TBC1D22A: variants seen among roughly 807,000 people sequenced by gnomAD.
TBC1D22A encodes putative GTPase activator.
Under a neutral mutation model 60.2 loss-of-function variants are expected in TBC1D22A, and 38 were observed. That is an observed-to-expected ratio of 0.63 (90% CI 0.49 to 0.83). The LOEUF (loss-of-function observed/expected upper bound fraction) is 0.83, where lower values mean the gene tolerates loss of function less well. TBC1D22A is among the 40% of genes least tolerant of loss of function. TBC1D22A has a pLI of 0.00. For missense variants in TBC1D22A, 628 were observed against 701.0 expected (o/e 0.90, Z 1.18); for synonymous variants, 302 against 281.7 (o/e 1.07, Z -0.72).
chr22:46,894,212 C>T (rs4488768), intron 6 of TBC1D22A, among the ~76,000 whole-genome samples: 1 of 152,192 alleles, frequency 6.6e-6, no homozygotes, highest in Non-Finnish European at 1.5e-5. Flanking sequence ...TTGGTTGCTT[C>T]TTGAACCACA....
intron 11 of TBC1D22A, among the ~76,000 whole-genome samples, chr22:47,054,079 A>G (rs2063312295): frequency 6.6e-6 from 1 of 152,206 alleles, no homozygotes; most frequent in Non-Finnish European, 1.5e-5. Flanking sequence ...AGCGCTGCTC[A>G]GAGTCTCTGG....
chr22:47,091,306 G>GCT, intron 11 of TBC1D22A, among the ~76,000 whole-genome samples: 2 of 100,312 alleles, frequency 2.0e-5, no homozygotes, highest in East Asian at 3.8e-4. Flanking sequence ...AGTCGTCTTT[G>GCT]GGTGGCTGCG....
chr22:46,916,298 G>A (rs568901913), intron 8 of TBC1D22A, among the ~76,000 whole-genome samples: 1 of 152,304 alleles, frequency 6.6e-6, no homozygotes. Context: ...TTGTAGTGGG[G>A]GAGCAATGCT....
chr22:47,154,245 C>T (rs1018609433), intron 12 of TBC1D22A, among the ~76,000 whole-genome samples: 2 of 152,164 alleles, frequency 1.3e-5, no homozygotes, highest in Non-Finnish European at 2.9e-5. Context: ...CCTCCTCACA[C>T]TCTGCGCTTT....
chr22:46,861,431 C>G (rs2087879583), intron 4 of TBC1D22A, among the ~76,000 whole-genome samples: 1 of 152,212 alleles, frequency 6.6e-6, no homozygotes, highest in Non-Finnish European at 1.5e-5. Flanking sequence ...TTACCAGTGG[C>G]TTGCAGGTTT....
rs775707354 is a variant in TBC1D22A, at chr22:47,009,159, C to T, written c.1201+11450C>T. Among the ~76,000 whole-genome samples, 1 of 152,078 alleles carries T rather than the reference C, an allele frequency of 6.6e-6. No individual in the cohort carries two copies. Among genetic ancestry groups the T allele is most frequent in the African/African-American group, 2.4e-5 (1 of 41,398 alleles). ...CTAGCCCTTGTTTCCCCATGCATGACGGGTCATGGGAGTAAAGTACTTACA... is the reference window on the plus strand; with the variant it reads ...CTAGCCCTTGTTTCCCCATGCATGATGGGTCATGGGAGTAAAGTACTTACA... On this transcript the variant is annotated intron_variant, in intron 10 of 12. Coordinates refer to ENST00000337137, the MANE Select transcript of TBC1D22A (RefSeq NM_014346.5). This position sits in a 1 kb window ranked among gnomAD's most constrained non-coding sequence, Gnocchi z 5.8.
rs2087918735 is a variant in TBC1D22A, at chr22:46,862,043, G to C, written c.638-16610G>C. 2.0e-5 allele frequency among the ~76,000 whole-genome samples: 3 copies of C among 152,060 alleles called. No homozygotes were observed. The South Asian group carries it at 6.2e-4, about 31-fold the overall frequency. On this transcript the variant is annotated intron_variant, in intron 4 of 12. Transcript: ENST00000337137. ...TGGCTTCAGGAGGGACTGGACATGT[G>C]GTGTCAGGACAGCGTAGTGGGGCCT...
intron 10 of TBC1D22A, among the ~76,000 whole-genome samples, chr22:47,033,000 C>A (rs546993457): frequency 6.6e-6 from 1 of 152,254 alleles, no homozygotes; most frequent in Non-Finnish European, 1.5e-5. Context: ...GTCGTCCTGG[C>A]TGCTCTTCCC....
Position 46,852,860 on chromosome 22 carries a change from C to T in TBC1D22A, c.638-25793C>T, listed in dbSNP as rs531407667. On this transcript the variant is annotated intron_variant, in intron 4 of 12. Transcript: ENST00000337137. ...TCCCTGTGCGCAGACCCTGCCCGTC[C>T]TGGAGTTCCATGTCACTGGCGTTTT... is the stretch of plus-strand genomic sequence containing the variant. Among the ~76,000 whole-genome samples, 344 of 147,292 alleles carry T rather than the reference C, an allele frequency of 2.3e-3. 1 individual carries two copies. The highest frequency in any genetic ancestry group is 9.0e-3 in the African/African-American group (331 of 36,816).
intron 8 of TBC1D22A, among the ~76,000 whole-genome samples, chr22:46,941,137 A>G (rs868753018): frequency 0.012 from 1,376 of 114,562 alleles, 45 homozygotes; most frequent in African/African-American, 0.045. Context: ...ACACACACAC[A>G]CACACACACA....
At chr22:47,078,368 T>C (rs2064313604) in intron 11 of TBC1D22A, among the ~76,000 whole-genome samples, 1 of 151,960 alleles carries the variant, frequency 6.6e-6, no homozygotes, top group African/African-American at 2.4e-5. Context: ...AGAAAAAGGG[T>C]GAGAATTGCA....
chr22:46,986,714 G>T (rs1209974498), intron 9 of TBC1D22A, among the ~76,000 whole-genome samples: 4 of 150,938 alleles, frequency 2.7e-5, no homozygotes, highest in Non-Finnish European at 4.4e-5. Context: ...TATGCTAGGG[G>T]TATATACAAA....
intron 8 of TBC1D22A, among the ~76,000 whole-genome samples, chr22:46,935,892 T>C (rs1279513573): frequency 1.3e-5 from 2 of 152,088 alleles, no homozygotes; most frequent in African/African-American, 4.8e-5. Flanking sequence ...CGCTGTCTCC[T>C]GGCCCCTCCT....
At chr22:46,925,326 C>T (rs1168313329) in intron 8 of TBC1D22A, among the ~76,000 whole-genome samples, 2 of 152,174 alleles carry the variant, frequency 1.3e-5, no homozygotes, top group African/African-American at 2.4e-5. Context: ...GTTCTAGACC[C>T]ACGTGAGACA....
intron 12 of TBC1D22A, among the ~76,000 whole-genome samples, chr22:47,138,991 C>T (rs1010866238): frequency 1.2e-4 from 18 of 152,320 alleles, no homozygotes; most frequent in African/African-American, 4.1e-4. Context: ...GAAACACAAA[C>T]GTTCCAGCCG....
At chr22:46,847,954 TGC>T (rs137955823) in intron 4 of TBC1D22A, among the ~76,000 whole-genome samples, 2,849 of 53,878 alleles carry the variant, frequency 0.053, 30 homozygotes, top group African/African-American at 0.11. Context: ...TGTGTGTGTG[TGC>T]GCGCGCGCAC....
At chr22:46,833,152 CTT>C (rs1483133562) in intron 4 of TBC1D22A, among the ~76,000 whole-genome samples, 1 of 152,214 alleles carries the variant, frequency 6.6e-6, no homozygotes, top group Non-Finnish European at 1.5e-5. Flanking sequence ...GAGTTAATCT[CTT>C]TCTATTTAAG....
intron 12 of TBC1D22A, among the ~76,000 whole-genome samples, chr22:47,167,182 C>G (rs1238175624): frequency 6.6e-6 from 1 of 152,188 alleles, no homozygotes; most frequent in East Asian, 1.9e-4. Flanking sequence ...AAATGCATGT[C>G]CTTGAATTTG....
At chr22:47,052,088 C>G (rs1175595001) in intron 11 of TBC1D22A, among the ~76,000 whole-genome samples, 1 of 152,184 alleles carries the variant, frequency 6.6e-6, no homozygotes, top group Non-Finnish European at 1.5e-5. Flanking sequence ...CTGCCCCCAG[C>G]AAGGTGTCCG....
Sources: allele counts gnomAD v4.1 joint callset (sites outside exome capture counted in the v4.1 genomes callset), GRCh38; gene constraint gnomAD v4.1.1; non-coding constraint Gnocchi (gnomAD v3.1); transcripts MANE v1.5; gene names NCBI Gene and HGNC (gene_info 2026-07-23, HGNC 2026-07-21).